The following CUL1 variants were observed in gnomAD, a reference collection of about 807,000 sequenced individuals.
CUL1 encodes the protein cullin 1.
CUL1 carries 24 observed loss-of-function variants against 118.0 expected under a neutral mutation model. The observed-to-expected ratio is 0.20, with a 90% confidence interval of 0.15 to 0.29. The LOEUF is 0.29. Among genes scored for constraint, CUL1 ranks in the 10% least tolerant of loss-of-function variants. CUL1 has a pLI of 1.00. For synonymous variants in CUL1, 332 were observed against 340.4 expected (o/e 0.98, Z 0.27); for missense variants, 361 against 933.8 (o/e 0.39, Z 7.99).
At chr7:148,781,383 G>A (rs1800627656) in intron 9 of CUL1, among the ~76,000 whole-genome samples, 1 of 152,070 alleles carries the variant, frequency 6.6e-6, no homozygotes, top group Non-Finnish European at 1.5e-5. Flanking sequence ...GCCCGGCCAA[G>A]GCCAGTGTTT....
At chr7:148,705,326 C>T (rs1370797006) in intron 1 of CUL1, among the ~76,000 whole-genome samples, 1 of 151,820 alleles carries the variant, frequency 6.6e-6, no homozygotes, top group Non-Finnish European at 1.5e-5. Context: ...AATCTTTAAA[C>T]TTAATGTCAT....
intron 1 of CUL1, among the ~76,000 whole-genome samples, chr7:148,714,086 A>G (rs1488679979): frequency 6.6e-6 from 1 of 152,236 alleles, no homozygotes; most frequent in Non-Finnish European, 1.5e-5. Flanking sequence ...TGCTATATCC[A>G]TTTAGTAAAA....
chr7:148,774,815 A>G (rs1800344742), intron 9 of CUL1, among the ~76,000 whole-genome samples: 1 of 152,186 alleles, frequency 6.6e-6, no homozygotes, highest in African/African-American at 2.4e-5. Flanking sequence ...CTGGGGAGAA[A>G]TGTTGTGAAC....
At position 148,719,242 on chromosome 7, in the gene CUL1, C is replaced by T. The variant is rs1471607154; in HGVS notation, c.-161-10720C>T. On this transcript the variant is annotated intron_variant, in intron 1 of 21. Transcript: ENST00000325222. ...AGGAGAATGGCGTGAACCCGGGAGGCGGAGCTTGCAGTGAGCCAAGATTGC... is the reference window on the plus strand; with the variant it reads ...AGGAGAATGGCGTGAACCCGGGAGGTGGAGCTTGCAGTGAGCCAAGATTGC... 3.9e-5 allele frequency among the ~76,000 whole-genome samples: 6 copies of T among 151,968 alleles called. No individual in the cohort carries two copies. The East Asian group carries it at 9.7e-4, about 25-fold the overall frequency.
intron 17 of CUL1, among the ~76,000 whole-genome samples, chr7:148,795,168 T>C (rs1391070429): frequency 6.6e-6 from 1 of 151,250 alleles, no homozygotes; most frequent in African/African-American, 2.4e-5. Flanking sequence ...TTCTGTTTTT[T>C]TGAGACAGGG....
rs953668666 is a variant in CUL1 at position 148,783,281 on chromosome 7, C to T, written c.1084-502C>T. The T allele has an allele frequency of 1.2e-5, 12 of 971,146 alleles. No homozygotes were observed. The South Asian group carries it at 1.9e-4, about 15-fold the overall frequency. 60.2% of individuals were successfully genotyped at this position (971,146 alleles called of 1,614,324 possible). ...CGTCCTGCGATGAGGCCCTGGCCCC[C>T]GGCATCGCCACGCGGATCCGCGCCT... On this transcript the variant is annotated intron_variant, in intron 9 of 21. Coordinates refer to ENST00000325222, the MANE Select transcript of CUL1 (RefSeq NM_003592.3).
rs192245359 is a variant in CUL1 at position 148,722,369 on chromosome 7, C to T, written c.-161-7593C>T. 3.9e-4 allele frequency among the ~76,000 whole-genome samples: 60 copies of T among 152,322 alleles called. No homozygotes were observed. In the East Asian group the frequency reaches 8.5e-3, roughly 22 times the overall value. On this transcript the variant is annotated intron_variant, in intron 1 of 21. Transcript: ENST00000325222. Reference sequence around the variant, plus strand: ...TTCTTTACCCACCTCAGTTCTTGGACCTCTCTAGAGTCCTCATCCATGAAT... The same window carrying T: ...TTCTTTACCCACCTCAGTTCTTGGATCTCTCTAGAGTCCTCATCCATGAAT...
intron 1 of CUL1, among the ~76,000 whole-genome samples, chr7:148,724,616 C>T (rs1248174340): frequency 6.6e-6 from 1 of 152,130 alleles, no homozygotes; most frequent in Admixed American, 6.5e-5. Flanking sequence ...GGGGATTGGC[C>T]GTCTAGAGAA....
chr7:148,794,541 A>G (rs373055171), intron 17 of CUL1, among the ~76,000 whole-genome samples: 8 of 152,158 alleles, frequency 5.3e-5, no homozygotes, highest in African/African-American at 1.9e-4. Context: ...TATATTGGCT[A>G]TTCTGGATCC....
chr7:148,718,557 T>G (rs1335676477), intron 1 of CUL1, among the ~76,000 whole-genome samples: 2 of 151,936 alleles, frequency 1.3e-5, no homozygotes, highest in African/African-American at 4.8e-5. Context: ...GTACTTGATT[T>G]TTTTTTTATT....
At chr7:148,751,592 C>T (rs1010315878) in intron 2 of CUL1, among the ~76,000 whole-genome samples, 1 of 149,882 alleles carries the variant, frequency 6.7e-6, no homozygotes, top group Non-Finnish European at 1.5e-5. Flanking sequence ...TTTCTGTGCT[C>T]CAAGAAACTT....
At chr7:148,796,369 G>A (rs542221448) in intron 17 of CUL1, among the ~76,000 whole-genome samples, 5 of 152,190 alleles carry the variant, frequency 3.3e-5, no homozygotes, top group East Asian at 1.9e-4. Flanking sequence ...TTAGCTTGCC[G>A]GTATTTTCTC....
chr7:148,729,970 G>C lies in CUL1; in HGVS notation c.-153G>C. The C allele has an allele frequency of 1.2e-6, 1 of 832,998 alleles. No homozygotes were observed. Among genetic ancestry groups the C allele is most frequent in the Non-Finnish European group, 1.8e-6 (1 of 546,284 alleles). 51.6% of individuals were successfully genotyped at this position (832,998 alleles called of 1,614,324 possible). A position where few individuals can be genotyped will look rare whatever the true frequency, so the allele number is the denominator to read the frequency against. On this transcript the variant is annotated 5_prime_UTR_variant, in exon 2 of 22. Coordinates refer to ENST00000325222, the MANE Select transcript of CUL1 (RefSeq NM_003592.3). ...CTTTATTTCTTCCTCAGGTTTGCCTGCAATGAGATTTCATTCTCTACATTT... is the reference window on the plus strand; with the variant it reads ...CTTTATTTCTTCCTCAGGTTTGCCTCCAATGAGATTTCATTCTCTACATTT...
chr7:148,776,911 C>A (rs1260272782), intron 9 of CUL1, among the ~76,000 whole-genome samples: 1 of 152,184 alleles, frequency 6.6e-6, no homozygotes, highest in Non-Finnish European at 1.5e-5. Context: ...CTTAATTATT[C>A]CTTTCTGAAA....
At chr7:148,702,224 CTT>C (rs1373847723) in intron 1 of CUL1, among the ~76,000 whole-genome samples, 39 of 152,074 alleles carry the variant, frequency 2.6e-4, no homozygotes, top group African/African-American at 9.2e-4. Flanking sequence ...CATTTAATGA[CTT>C]AAGTTTTTTA....
chr7:148,781,278 T>C lies in CUL1; in HGVS notation c.1084-2505T>C, dbSNP rs1800623079. ...TTGTATTTTTAGTAGAGATGGGGTT[T>C]CACCATGTTGGCCAGGCTGGTCTAG... On this transcript the variant is annotated intron_variant, in intron 9 of 21. Transcript: ENST00000325222. Among the ~76,000 whole-genome samples the C allele has an allele frequency of 3.9e-5, 6 of 152,154 alleles. No individual in the cohort carries two copies. The South Asian group carries it at 1.2e-3, about 32-fold the overall frequency.
In CUL1 at chr7:148,760,434, T is replaced by A. The variant is rs1201111608; in HGVS notation, c.727T>A (p.Phe243Ile). The change falls in exon 7 of 22, where the codon TTT becomes ATT. Residue 243 changes from phenylalanine (F) to isoleucine (I), a missense_variant. Phe to Ile is a conservative substitution (Grantham distance 21). Transcript: ENST00000325222. Reference sequence around the variant, plus strand: ...TCAATTTTTGGCTGACACAGAGAGATTTTATACCAGAGAGAGTACTGAATT... The same window carrying A: ...TCAATTTTTGGCTGACACAGAGAGAATTTATACCAGAGAGAGTACTGAATT... ...ESQFLADTER[F>I]YTRESTEFLQ... 6.2e-7 allele frequency: 1 copy of A among 1,613,308 alleles called. No individual in the cohort carries two copies. The highest frequency in any genetic ancestry group is 1.1e-5 in the South Asian group (1 of 90,994).
chr7:148,752,960 T>A (rs941427342), intron 2 of CUL1, among the ~76,000 whole-genome samples: 3 of 152,226 alleles, frequency 2.0e-5, no homozygotes, highest in African/African-American at 7.2e-5. Context: ...CCTGAATTCA[T>A]TTTTTTGTGT....
intron 2 of CUL1, among the ~76,000 whole-genome samples, chr7:148,749,083 G>A (rs1488890066): frequency 1.3e-5 from 2 of 152,098 alleles, no homozygotes; most frequent in African/African-American, 4.8e-5. Context: ...AAATTACAGA[G>A]TTAACCAAAA....
Sources: allele counts gnomAD v4.1 joint callset (sites outside exome capture counted in the v4.1 genomes callset), GRCh38; gene constraint gnomAD v4.1.1; transcripts MANE v1.5; gene names NCBI Gene and HGNC (gene_info 2026-07-23, HGNC 2026-07-21).